SH3RF3: variants seen among roughly 807,000 people sequenced by gnomAD.
SH3RF3 encodes the protein E3 ubiquitin-protein ligase SH3RF3.
SH3RF3 carries 29 observed loss-of-function variants against 66.3 expected under a neutral mutation model. The ratio of observed to expected loss-of-function variants is 0.44; its 90% confidence interval spans 0.33 to 0.60. The LOEUF is 0.60. Ranked by LOEUF, SH3RF3 falls within the 20% of genes least tolerant of loss-of-function variation. SH3RF3 has a pLI of 0.04. For missense variants in SH3RF3, 1,194 were observed against 1,190.9 expected (o/e 1.00, Z -0.04); for synonymous variants, 583 against 532.0 (o/e 1.10, Z -1.32).
At chr2:109,353,872 C>T (rs1324161434) in intron 2 of SH3RF3, among the ~76,000 whole-genome samples, 1 of 152,100 alleles carries the variant, frequency 6.6e-6, no homozygotes, top group Non-Finnish European at 1.5e-5. Context: ...GCCGCAGGTT[C>T]CCCTCAGCCC....
intron 8 of SH3RF3, among the ~76,000 whole-genome samples, chr2:109,477,971 G>A (rs888851717): frequency 1.2e-4 from 19 of 152,148 alleles, no homozygotes; most frequent in Non-Finnish European, 2.2e-4. Flanking sequence ...GAGGGTTCCC[G>A]CAAGGGCCTC....
chr2:109,196,297 C>T (rs1678498407), intron 1 of SH3RF3, among the ~76,000 whole-genome samples: 1 of 152,340 alleles, frequency 6.6e-6, no homozygotes, highest in African/African-American at 2.4e-5. Context: ...AGGCCAGCAG[C>T]CCTGGATTGG....
At chr2:109,466,439 T>C (rs1047251066) in intron 8 of SH3RF3, among the ~76,000 whole-genome samples, 1 of 152,156 alleles carries the variant, frequency 6.6e-6, no homozygotes, top group East Asian at 1.9e-4. Context: ...AATTGGGTTG[T>C]TTGTTTTCTT....
chr2:109,371,532 T>C, intron 2 of SH3RF3, 54 bp from the exon 3 acceptor site: 1 of 1,518,372 alleles, frequency 6.6e-7, no homozygotes, highest in Non-Finnish European at 9.1e-7. Context: ...TTGCTTCCTT[T>C]TTCATTGTGT....
intron 1 of SH3RF3, among the ~76,000 whole-genome samples, chr2:109,249,087 C>T (rs1679995732): frequency 6.6e-6 from 1 of 152,126 alleles, no homozygotes; most frequent in Admixed American, 6.5e-5. Flanking sequence ...CACTATGTTG[C>T]CTAGGCTGGT....
intron 2 of SH3RF3, among the ~76,000 whole-genome samples, chr2:109,363,729 G>C (rs1683099139): frequency 6.6e-6 from 1 of 152,050 alleles, no homozygotes; most frequent in Non-Finnish European, 1.5e-5. Context: ...TAATTTCACA[G>C]GTACAGAATT....
chr2:109,378,388 G>C (rs1683439151), intron 3 of SH3RF3, among the ~76,000 whole-genome samples: 1 of 152,202 alleles, frequency 6.6e-6, no homozygotes. Context: ...TCAACTCCCA[G>C]TTGACTTTAT....
At chr2:109,233,991 A>G (rs1679583379) in intron 1 of SH3RF3, among the ~76,000 whole-genome samples, 5 of 152,238 alleles carry the variant, frequency 3.3e-5, no homozygotes. Context: ...TTTGGCAGTC[A>G]TTGATAAAGC....
intron 4 of SH3RF3, among the ~76,000 whole-genome samples, chr2:109,408,239 G>A (rs1457434603): frequency 5.3e-5 from 8 of 152,198 alleles, no homozygotes; most frequent in African/African-American, 1.7e-4. Flanking sequence ...CTCAGAGGGT[G>A]GAAAGGAGGA....
chr2:109,314,035 GA>G (rs1681804776), intron 1 of SH3RF3, among the ~76,000 whole-genome samples: 2 of 152,310 alleles, frequency 1.3e-5, no homozygotes, highest in Non-Finnish European at 2.9e-5. Context: ...TGGACACTGA[GA>G]AAAGGAAGAG....
intron 9 of SH3RF3, among the ~76,000 whole-genome samples, chr2:109,493,554 A>G (rs1282489212): frequency 6.8e-6 from 1 of 147,878 alleles, no homozygotes; most frequent in Non-Finnish European, 1.5e-5. Flanking sequence ...CACCATACAC[A>G]TACATACCAT....
At chr2:109,489,982 C>T (rs1679088857) in intron 8 of SH3RF3, among the ~76,000 whole-genome samples, 1 of 152,212 alleles carries the variant, frequency 6.6e-6, no homozygotes, top group Non-Finnish European at 1.5e-5. Flanking sequence ...AAGTGATCTG[C>T]CCACCTTGGC....
At position 109,423,631 on chromosome 2, in the gene SH3RF3, G is replaced by A. The variant is rs1331947558; in HGVS notation, c.1403+3989G>A. Among the ~76,000 whole-genome samples, 4 of 152,272 alleles carry A rather than the reference G, an allele frequency of 2.6e-5. No homozygotes were observed. The East Asian group carries it at 5.8e-4, about 22-fold the overall frequency. On this transcript the variant is annotated intron_variant, in intron 5 of 9. Transcript: ENST00000309415. ...AGTCCCTGCCAGGCTTGGAACGAAG[G>A]CCTGGATCAGCGAAATCACCGGGTA...
chr2:109,449,336 C>T lies in SH3RF3; in HGVS notation c.1995C>T (p.Ala665=). The change falls in exon 8 of 10, where the codon GCC becomes GCT. Residue 665 remains alanine (A), a synonymous_variant. Coordinates refer to ENST00000309415, the MANE Select transcript of SH3RF3 (RefSeq NM_001099289.3). ...QPPVQMCPRP[A]IPLTSAASAI... is the part of the protein sequence containing the mutation. The stretch of plus-strand genomic sequence containing the variant: ...CGGTGCAGATGTGCCCACGGCCGGC[C>T]ATCCCCCTCACATCAGCAGCATCAG... The T allele has an allele frequency of 6.2e-7, 1 of 1,605,716 alleles. No homozygotes were observed. Among genetic ancestry groups the T allele is most frequent in the South Asian group, 1.1e-5 (1 of 89,772 alleles).
intron 7 of SH3RF3, among the ~76,000 whole-genome samples, chr2:109,447,968 A>G (rs1034465338): frequency 3.3e-5 from 5 of 152,206 alleles, no homozygotes; most frequent in African/African-American, 1.2e-4. Context: ...AGATGGCAGC[A>G]GGGTGGTGGG....
chr2:109,142,629 C>T (rs1289318169), intron 1 of SH3RF3, among the ~76,000 whole-genome samples: 3 of 152,156 alleles, frequency 2.0e-5, no homozygotes, highest in East Asian at 1.9e-4. Context: ...GGGGGCAGAA[C>T]GCCTCTGCTT....
chr2:109,301,016 G>C (rs1416554345), intron 1 of SH3RF3, among the ~76,000 whole-genome samples: 1 of 152,202 alleles, frequency 6.6e-6, no homozygotes. Flanking sequence ...AGAGGGGCAG[G>C]GTGTCTCACT....
chr2:109,287,558 C>T (rs1681056579), intron 1 of SH3RF3, among the ~76,000 whole-genome samples: 2 of 152,212 alleles, frequency 1.3e-5, no homozygotes, highest in African/African-American at 2.4e-5. Flanking sequence ...TCCCCCTTGA[C>T]CCTGTTGGTG....
chr2:109,133,814 A>C (rs751585400), intron 1 of SH3RF3, among the ~76,000 whole-genome samples: 1 of 150,576 alleles, frequency 6.6e-6, no homozygotes, highest in Non-Finnish European at 1.5e-5. Flanking sequence ...TACAACTTGC[A>C]TTAGCATAGT....
Sources: allele counts gnomAD v4.1 joint callset (sites outside exome capture counted in the v4.1 genomes callset), GRCh38; gene constraint gnomAD v4.1.1; transcripts MANE v1.5; gene names NCBI Gene and HGNC (gene_info 2026-07-23, HGNC 2026-07-21).